HSPG2: variants seen among roughly 807,000 people sequenced by gnomAD.
HSPG2 encodes the protein basement membrane-specific heparan sulfate proteoglycan core protein.
A neutral mutation model predicts 526.6 loss-of-function variants in HSPG2; 278 were observed. The observed-to-expected ratio is 0.53, with a 90% CI of 0.48 to 0.58. The LOEUF is 0.58. Ranked by LOEUF, HSPG2 falls within the 20% of genes least tolerant of loss-of-function variation. The pLI, the probability that HSPG2 is intolerant of heterozygous loss-of-function variation, is 0.00. For missense variants in HSPG2, 5,354 were observed against 6,099.5 expected, an observed-to-expected ratio of 0.88 and a Z score of 4.07; for synonymous variants, 2,465 against 2,555.4, an observed-to-expected ratio of 0.96 and a Z score of 1.07.
intron 1 of HSPG2, among the ~76,000 whole-genome samples, chr1:21,913,974 G>A (rs1048205760): frequency 2.0e-5 from 3 of 152,240 alleles, no homozygotes; most frequent in African/African-American, 7.2e-5. Context: ...GCCTGTGACA[G>A]GAACCTGTGA....
chr1:21,832,769 G>A, intron 80 of HSPG2, 163 bp from the exon 81 acceptor site: 1 of 624,968 alleles, frequency 1.6e-6, no homozygotes, highest in Non-Finnish European at 2.9e-6. Flanking sequence ...TCTCAGGGCT[G>A]GTGCCCCAAA....
chr1:21,883,057 T>C (rs1442016055), intron 13 of HSPG2, among the ~76,000 whole-genome samples: 2 of 151,842 alleles, frequency 1.3e-5, no homozygotes, highest in Non-Finnish European at 2.9e-5. Context: ...CTCCCTCCCC[T>C]GGACCACCCA....
chr1:21,928,260 A>G (rs1644256627), intron 1 of HSPG2, among the ~76,000 whole-genome samples: 1 of 152,220 alleles, frequency 6.6e-6, no homozygotes, highest in Non-Finnish European at 1.5e-5. Flanking sequence ...CAAGTCAAAA[A>G]GGGCAGAGTG....
rs1223643079 is a variant in HSPG2, at chr1:21,847,323, C to A, written c.8164+31G>T. On this transcript the variant is annotated intron_variant, in intron 62 of 96. Transcript: ENST00000374695. The surrounding 1 kb of genome is among the most constrained non-coding windows in gnomAD (Gnocchi z 4.1). ...TCTCCCCAGGGAACACTGTTGCCTGCATCCCTCGTCCCTTTCCTAGGCAGA... is the reference window on the plus strand; with the variant it reads ...TCTCCCCAGGGAACACTGTTGCCTGAATCCCTCGTCCCTTTCCTAGGCAGA... The A allele has an allele frequency of 6.2e-7, 1 of 1,613,368 alleles. No homozygotes were observed. Among genetic ancestry groups the A allele is most frequent in the Non-Finnish European group, 8.5e-7 (1 of 1,179,770 alleles).
At position 21,857,009 on chromosome 1, in the gene HSPG2, G is replaced by A. The variant is rs1352443020; in HGVS notation, c.5575+6C>T. 2 of 1,613,930 alleles carry A rather than the reference G, an allele frequency of 1.2e-6. No homozygotes were observed. The highest frequency in any genetic ancestry group is 1.7e-6 in the Non-Finnish European group (2 of 1,179,814). ...GGGGAGAATCAGGTATAGATGGGAG[G>A]TGTACCCTGCACATGTAGAGTGGCT... is the stretch of plus-strand genomic sequence containing the variant. On this transcript the variant is annotated splice_donor_region_variant and intron_variant, in intron 44 of 96. Coordinates refer to ENST00000374695, the MANE Select transcript of HSPG2 (RefSeq NM_005529.7).
intron 1 of HSPG2, among the ~76,000 whole-genome samples, chr1:21,901,788 G>A (rs921168186): frequency 3.9e-5 from 6 of 152,074 alleles, no homozygotes; most frequent in Non-Finnish European, 5.9e-5. Context: ...GTGCAGGGGC[G>A]GGGGGACAAA....
chr1:21,881,400 G>T lies in HSPG2; in HGVS notation c.1757C>A (p.Ser586Tyr), dbSNP rs148673710. The change falls in exon 14 of 97, where the codon TCC (serine) becomes TAC (tyrosine). Residue 586 changes from serine (S) to tyrosine (Y), a missense_variant. Ser to Tyr is a moderately radical substitution (Grantham distance 144). Transcript: ENST00000374695. ...GGAGTCGTGGACGAGGAAGCGGCGG[G>T]ACAGGTCGACTAGCTGGAACTCGTG... The part of the protein sequence containing the change: ...SLHEFQLVDL[S>Y]RRFLVHDSFW... 4.3e-6 allele frequency: 7 copies of T among 1,614,072 alleles called. No individual in the cohort carries two copies. The highest frequency in any genetic ancestry group is 3.3e-5 in the Admixed American group (2 of 60,014).
rs764425163 is a variant in HSPG2 at position 21,828,450 on chromosome 1, G to A, written c.12238-24C>T. ...ACCTGTGGGGACAGGGACACCGAGG[G>A]ACTAAAGGGGCCTGGGAGGCAGAGA... On this transcript the variant is annotated intron_variant, in intron 88 of 96. Transcript: ENST00000374695. This position sits in a 1 kb window ranked among gnomAD's most constrained non-coding sequence, Gnocchi z 6.0. 26 of 1,610,866 alleles carry A rather than the reference G, an allele frequency of 1.6e-5. No homozygotes were observed. The highest frequency in any genetic ancestry group is 2.1e-5 in the Non-Finnish European group (25 of 1,179,542).
At position 21,842,161 on chromosome 1, in the gene HSPG2, A is replaced by G. The variant is rs1485888205; in HGVS notation, c.9053-19T>C. 1 of 1,613,294 alleles carries G rather than the reference A, an allele frequency of 6.2e-7. No homozygotes were observed. Among genetic ancestry groups the G allele is most frequent in the Non-Finnish European group, 8.5e-7 (1 of 1,179,780 alleles). On this transcript the variant is annotated intron_variant, in intron 68 of 96. Coordinates refer to ENST00000374695, the MANE Select transcript of HSPG2 (RefSeq NM_005529.7). ...CTAAGGCCTGGGGCCAAAGGGGCAG[A>G]GGGCTGGGCTCAGCAGGGGTGGGCT...
intron 85 of HSPG2, chr1:21,830,355 C>A: frequency 3.8e-6 from 2 of 525,494 alleles, no homozygotes; most frequent in Non-Finnish European, 6.9e-6. Context: ...AGGGGGAGCA[C>A]CTGGTGGCGG....
rs368881969 is a variant in HSPG2 at position 21,864,071 on chromosome 1, C to A, written c.4740+29G>T. ...CCCACCCAGGCCCAGCTGAGCTGAC[C>A]CCCTGTCCTGGCCTCGCTTGCAGCT... On this transcript the variant is annotated intron_variant, in intron 37 of 96. Coordinates refer to ENST00000374695, the MANE Select transcript of HSPG2 (RefSeq NM_005529.7). This position sits in a 1 kb window ranked among gnomAD's most constrained non-coding sequence, Gnocchi z 4.8. 3.3e-6 allele frequency: 5 copies of A among 1,515,686 alleles called. No homozygotes were observed. Among genetic ancestry groups the A allele is most frequent in the Admixed American group, 2.0e-5 (1 of 50,978 alleles). 93.9% of individuals were successfully genotyped at this position (1,515,686 alleles called of 1,614,324 possible). A position where few individuals can be genotyped will look rare whatever the true frequency, so the allele number is the denominator to read the frequency against.
chr1:21,872,517 G>T lies in HSPG2; in HGVS notation c.4029+103C>A. 1 of 1,441,330 alleles carries T rather than the reference G, an allele frequency of 6.9e-7. No homozygotes were observed. Among genetic ancestry groups the T allele is most frequent in the Non-Finnish European group, 9.5e-7 (1 of 1,048,802 alleles). The allele number at this position is 1,441,330 out of a possible 1,614,324, so 89.3% of individuals were successfully genotyped here. A position where few individuals can be genotyped will look rare whatever the true frequency, so the allele number is the denominator to read the frequency against. On this transcript the variant is annotated intron_variant, in intron 32 of 96. Transcript: ENST00000374695. The surrounding 1 kb of genome is among the most constrained non-coding windows in gnomAD (Gnocchi z 5.5). The stretch of plus-strand genomic sequence containing the variant: ...GAGAGAAATAATGGGGGCATGTGAG[G>T]GTACTGAGGCGGGGATGAGGGTCGC...
chr1:21,872,772 G>A lies in HSPG2; in HGVS notation c.3889-12C>T. ...CCTTCCACCTGGGCCTGGGTAGACG[G>A]ATGGAAGGAGGCAGGCAGGGGACTC... On this transcript the variant is annotated splice_polypyrimidine_tract_variant and intron_variant, in intron 31 of 96. Transcript: ENST00000374695. This position sits in a 1 kb window ranked among gnomAD's most constrained non-coding sequence, Gnocchi z 5.5. 6.2e-7 allele frequency: 1 copy of A among 1,606,762 alleles called. No individual in the cohort carries two copies. The highest frequency in any genetic ancestry group is 8.5e-7 in the Non-Finnish European group (1 of 1,177,474).
intron 47 of HSPG2, 144 bp from the exon 48 acceptor site, chr1:21,855,127 A>G: frequency 7.4e-7 from 1 of 1,353,704 alleles, no homozygotes; most frequent in Non-Finnish European, 1.0e-6. Context: ...AACGCCAGGC[A>G]GCCAAGAGGA....
intron 1 of HSPG2, among the ~76,000 whole-genome samples, chr1:21,913,171 T>A (rs1557824640): frequency 1.3e-5 from 2 of 152,012 alleles, no homozygotes; most frequent in Non-Finnish European, 1.5e-5. Flanking sequence ...GGGCAAGGAT[T>A]CTCAAAGGCC....
At chr1:21,915,190 C>T (rs979679292) in intron 1 of HSPG2, among the ~76,000 whole-genome samples, 2 of 53,976 alleles carry the variant, frequency 3.7e-5, no homozygotes, top group Admixed American at 2.5e-4. Flanking sequence ...CGCGTTAGAG[C>T]GGGCAGGGTG....
chr1:21,878,141 T>G (rs1260739991), intron 21 of HSPG2, 45 bp downstream of exon 21: 5 of 1,551,424 alleles, frequency 3.2e-6, no homozygotes, highest in Non-Finnish European at 4.4e-6. Context: ...CCAGCTGTGG[T>G]GCTGGGCCCA....
Position 21,847,509 on chromosome 1 carries a change from G to T in HSPG2, c.8026-17C>A, listed in dbSNP as rs1239006525. On this transcript the variant is annotated splice_polypyrimidine_tract_variant and intron_variant, in intron 61 of 96. Coordinates refer to ENST00000374695, the MANE Select transcript of HSPG2 (RefSeq NM_005529.7). The surrounding 1 kb of genome is among the most constrained non-coding windows in gnomAD (Gnocchi z 4.1). ...GCCATGGGTCTGGACGTGCGGATGGGGAAGGAGAGGGAGAGGGAGTGGAGG... is the reference window on the plus strand; with the variant it reads ...GCCATGGGTCTGGACGTGCGGATGGTGAAGGAGAGGGAGAGGGAGTGGAGG... The T allele has an allele frequency of 2.5e-6, 4 of 1,613,554 alleles. No homozygotes were observed. Among genetic ancestry groups the T allele is most frequent in the African/African-American group, 2.7e-5 (2 of 74,934 alleles).
chr1:21,885,914 C>T (rs1386450274), intron 9 of HSPG2, among the ~76,000 whole-genome samples: 1 of 152,246 alleles, frequency 6.6e-6, no homozygotes, highest in African/African-American at 2.4e-5. Context: ...GACAGGCCCT[C>T]TATGGAGTGG....
Sources: gnomAD v4.1 joint callset for allele counts (sites outside exome capture counted in the v4.1 genomes callset) on GRCh38, gnomAD v4.1.1 for gene constraint, Gnocchi (gnomAD v3.1) non-coding constraint, MANE v1.5 for transcripts, NCBI Gene and HGNC (gene_info 2026-07-23, HGNC 2026-07-21) for gene names.